Variants in IFT56 observed in about 807,000 individuals in gnomAD.
IFT56 encodes the protein intraflagellar transport protein 56.
the IFT56 span, among the ~76,000 whole-genome samples, chr7:139,169,987 C>T: frequency 6.6e-6 from 1 of 152,170 alleles, no homozygotes; most frequent in Non-Finnish European, 1.5e-5. Context: ...GCATTCCAGC[C>T]TGGGCAACAG....
At chr7:139,169,211 A>T in the IFT56 span, 2 of 1,248,530 alleles carry the variant, frequency 1.6e-6, no homozygotes, top group Non-Finnish European at 2.3e-6. Context: ...ATCCTGACAA[A>T]TATGTTAGAA....
At chr7:139,143,099 T>G in the IFT56 span, among the ~76,000 whole-genome samples, 1 of 152,174 alleles carries the variant, frequency 6.6e-6, no homozygotes, top group Non-Finnish European at 1.5e-5. Context: ...TCTTAGTTAT[T>G]TGACTTCAGA....
chr7:139,191,758 A>G, the IFT56 span: 1 of 152,240 alleles, frequency 6.6e-6, no homozygotes, highest in Non-Finnish European at 1.5e-5. Context: ...ATTGCAAAGT[A>G]GTATTGCATA....
chr7:139,147,562 A>G, the IFT56 span, among the ~76,000 whole-genome samples: 2 of 152,136 alleles, frequency 1.3e-5, no homozygotes, highest in Non-Finnish European at 2.9e-5. Flanking sequence ...ATATATCCAT[A>G]TATGTACTAT....
chr7:139,183,382 A>G, the IFT56 span, among the ~76,000 whole-genome samples: 1 of 152,182 alleles, frequency 6.6e-6, no homozygotes, highest in East Asian at 1.9e-4. Context: ...CGATGGGTGT[A>G]GGTGAAGGCT....
At chr7:139,148,475 A>G in the IFT56 span, 1 of 1,150,126 alleles carries the variant, frequency 8.7e-7, no homozygotes, top group South Asian at 1.5e-5. Context: ...GTAACTCTTG[A>G]TTAATATCCC....
At chr7:139,185,645 C>T in the IFT56 span, among the ~76,000 whole-genome samples, 2 of 151,798 alleles carry the variant, frequency 1.3e-5, no homozygotes, top group Non-Finnish European at 2.9e-5. Flanking sequence ...GAGTAGTTAC[C>T]TCTGGGTATG....
the IFT56 span, chr7:139,173,587 G>A: frequency 2.4e-6 from 2 of 820,146 alleles, no homozygotes; most frequent in Admixed American, 3.4e-5. Context: ...ACAGGAGAGT[G>A]TAATCAAAGG....
At chr7:139,154,182 A>G in the IFT56 span, among the ~76,000 whole-genome samples, 1 of 151,880 alleles carries the variant, frequency 6.6e-6, no homozygotes, top group Non-Finnish European at 1.5e-5. Context: ...TAAATAAGTT[A>G]TTTGTCTTTT....
At chr7:139,138,157 C>G in the IFT56 span, among the ~76,000 whole-genome samples, 11 of 151,996 alleles carry the variant, frequency 7.2e-5, no homozygotes, top group Non-Finnish European at 1.5e-4. Context: ...TTAATATGTC[C>G]CATTACAGTA....
At chr7:139,167,408 C>T in the IFT56 span, among the ~76,000 whole-genome samples, 3 of 152,056 alleles carry the variant, frequency 2.0e-5, no homozygotes, top group African/African-American at 7.2e-5. Flanking sequence ...GTATATTTCT[C>T]AAGTATATTA....
chr7:139,143,404 A>G, the IFT56 span, among the ~76,000 whole-genome samples: 1 of 152,134 alleles, frequency 6.6e-6, no homozygotes, highest in African/African-American at 2.4e-5. Context: ...CCTAGCAATA[A>G]TGTCTTCCTA....
the IFT56 span, chr7:139,172,755 C>A: frequency 1.6e-6 from 1 of 634,730 alleles, no homozygotes; most frequent in Middle Eastern, 2.7e-4. Context: ...AGCGGCTGGT[C>A]ACCTGGTGGG....
chr7:139,157,139 C>CTTTTTTTTTTT, the IFT56 span, among the ~76,000 whole-genome samples: 10 of 82,090 alleles, frequency 1.2e-4, no homozygotes, highest in Non-Finnish European at 2.2e-4. Context: ...TCTTTAATTT[C>CTTTTTTTTTTT]TTTTTTTTTT....
the IFT56 span, chr7:139,134,010 AACTGTAAATACCTC>A: frequency 1.1e-6 from 1 of 909,702 alleles, no homozygotes; most frequent in South Asian, 1.5e-5. Context: ...ACAGGGATGC[AACTGTAAATACCTC>A]GGTGCTTTCT....
chr7:139,152,658 A>G, the IFT56 span, among the ~76,000 whole-genome samples: 14 of 152,354 alleles, frequency 9.2e-5, no homozygotes, highest in East Asian at 1.9e-3. Flanking sequence ...ATGTTTTTAG[A>G]AAGGTCACTT....
chr7:139,175,524 T>C, the IFT56 span, among the ~76,000 whole-genome samples: 8 of 152,086 alleles, frequency 5.3e-5, no homozygotes, highest in African/African-American at 1.9e-4. Flanking sequence ...ATATGCACAA[T>C]GGAATACTTA....
the IFT56 span, among the ~76,000 whole-genome samples, chr7:139,179,926 C>T: frequency 6.6e-6 from 1 of 152,154 alleles, no homozygotes; most frequent in Non-Finnish European, 1.5e-5. Flanking sequence ...TTAAAGTTTC[C>T]AGAGTCTCAG....
the IFT56 span, among the ~76,000 whole-genome samples, chr7:139,144,643 A>G: frequency 6.6e-6 from 1 of 152,054 alleles, no homozygotes; most frequent in Non-Finnish European, 1.5e-5. Context: ...TATCGCATGT[A>G]AACACTTTGT....
Sources: gnomAD v4.1 joint callset for allele counts (sites outside exome capture counted in the v4.1 genomes callset) on GRCh38, gnomAD v4.1.1 for gene constraint, MANE v1.5 for transcripts, NCBI Gene and HGNC (gene_info 2026-07-23, HGNC 2026-07-21) for gene names.